Variants in ARCN1 observed in about 807,000 individuals in gnomAD.
ARCN1 encodes the protein coatomer subunit delta.
A neutral mutation model predicts 60.4 loss-of-function variants in ARCN1; 5 were observed. The ratio of observed to expected loss-of-function variants is 0.08; its 90% CI spans 0.04 to 0.17. The LOEUF is 0.17. Among genes scored for constraint, ARCN1 ranks in the 10% least tolerant of loss-of-function variants. The pLI is 1.00. For missense variants in ARCN1, 464 were observed against 626.5 expected (o/e 0.74, Z 2.77); for synonymous variants, 224 against 220.0 (o/e 1.02, Z -0.16).
chr11:118,601,488 T>G lies in ARCN1; in HGVS notation c.*774T>G. ...ATACCCTTTACCTTTAGGTTTTTCT[T>G]TCTATACATTCAGTCAGGCACTGGG... On this transcript the variant is annotated 3_prime_UTR_variant, in exon 10 of 10. Coordinates refer to ENST00000264028, the MANE Select transcript of ARCN1 (RefSeq NM_001655.5). The G allele has an allele frequency of 1.6e-6, 1 of 616,086 alleles. No homozygotes were observed. Among genetic ancestry groups the G allele is most frequent in the Admixed American group, 2.8e-5 (1 of 35,874 alleles). The allele number at this position is 616,086 out of a possible 1,614,324, so 38.2% of individuals were successfully genotyped here.
intron 2 of ARCN1, 103 bp from the exon 3 acceptor site, chr11:118,583,076 G>T: frequency 7.7e-7 from 1 of 1,301,510 alleles, no homozygotes; most frequent in Non-Finnish European, 1.1e-6. Context: ...AGCTAATAAA[G>T]GGATTTAGGT....
intron 1 of ARCN1, chr11:118,573,761 T>C (rs1555072921): frequency 1.5e-6 from 1 of 646,810 alleles, no homozygotes; most frequent in Non-Finnish European, 2.8e-6. Context: ...TTTAGGCCAC[T>C]GAACAGCTTT....
At chr11:118,592,347 C>A (rs145170693) in intron 6 of ARCN1, among the ~76,000 whole-genome samples, 1 of 152,298 alleles carries the variant, frequency 6.6e-6, no homozygotes, top group East Asian at 1.9e-4. Flanking sequence ...GGCAGCTGAT[C>A]AGGGTCTTAC....
chr11:118,597,578 T>C, intron 8 of ARCN1, 129 bp from the exon 9 acceptor site: 2 of 721,438 alleles, frequency 2.8e-6, no homozygotes, highest in Non-Finnish European at 4.2e-6. Flanking sequence ...GTTATTAGCC[T>C]TTTTTTCCCC....
At chr11:118,585,522 A>G (rs2135544736) in intron 5 of ARCN1, among the ~76,000 whole-genome samples, 1 of 152,154 alleles carries the variant, frequency 6.6e-6, no homozygotes, top group South Asian at 2.1e-4. Context: ...GCAAATTAAT[A>G]TATTTTGCAT....
chr11:118,583,150 C>T (rs782286891), intron 2 of ARCN1, 29 bp from the exon 3 acceptor site: 2 of 1,609,116 alleles, frequency 1.2e-6, no homozygotes, highest in Admixed American at 3.4e-5. Context: ...AATTCTAAAT[C>T]TTTCTTTTTT....
chr11:118,584,003 T>TGCACCA lies in ARCN1; in HGVS notation c.645_650dup (p.Pro216_Ala217dup). 3 of 1,614,144 alleles carry TGCACCA rather than the reference T, an allele frequency of 1.9e-6. No homozygotes were observed. Among genetic ancestry groups the TGCACCA allele is most frequent in the Non-Finnish European group, 2.5e-6 (3 of 1,180,006 alleles). The stretch of plus-strand genomic sequence containing the variant: ...AAACTGATAAACCAAAAGTGGCACC[T>TGCACCA]GCACCAGCCAGGTATAATCCAGTGT... On this transcript the variant is annotated inframe_insertion, in exon 4 of 10. Transcript: ENST00000264028.
intron 3 of ARCN1, among the ~76,000 whole-genome samples, 164 bp from the exon 4 acceptor site, chr11:118,583,644 GC>G (rs1938710202): frequency 6.6e-6 from 1 of 152,080 alleles, no homozygotes; most frequent in African/African-American, 2.4e-5. Context: ...GTGGGTCCCA[GC>G]TACTTGGGAG....
intron 8 of ARCN1, 26 bp from the exon 9 acceptor site, chr11:118,597,681 C>G: frequency 6.2e-7 from 1 of 1,611,898 alleles, no homozygotes; most frequent in South Asian, 1.1e-5. Flanking sequence ...GAACAGCTAC[C>G]TTGACCAGAA....
intron 8 of ARCN1, chr11:118,593,952 G>T: frequency 3.3e-6 from 1 of 305,794 alleles, no homozygotes; most frequent in Non-Finnish European, 6.3e-6. Flanking sequence ...GGGGCACAAG[G>T]GAACTTTTGG....
At chr11:118,584,259 TGTG>T (rs1242533358) in intron 4 of ARCN1, among the ~76,000 whole-genome samples, 10 of 152,198 alleles carry the variant, frequency 6.6e-5, no homozygotes, top group South Asian at 2.1e-4. Flanking sequence ...GTTGCCTTAT[TGTG>T]GGGAGGAAAG....
chr11:118,594,830 G>A lies in ARCN1; in HGVS notation c.1241+1132G>A, dbSNP rs187587810. ...CTCCCAAAGTGCTGGGATTATGGGC[G>A]TGAGCCACCGCACCTGGCTATTTTT... On this transcript the variant is annotated intron_variant, in intron 8 of 9. Coordinates refer to ENST00000264028, the MANE Select transcript of ARCN1 (RefSeq NM_001655.5). Among the ~76,000 whole-genome samples the A allele has an allele frequency of 1.8e-3, 277 of 152,070 alleles. 2 individuals carry two copies. The highest frequency in any genetic ancestry group is 6.3e-3 in the African/African-American group (263 of 41,490).
At chr11:118,579,661 C>A (rs549379264) in intron 1 of ARCN1, among the ~76,000 whole-genome samples, 2 of 151,150 alleles carry the variant, frequency 1.3e-5, no homozygotes, top group East Asian at 3.9e-4. Context: ...GCACTCCAGC[C>A]TGGGCAACAA....
At chr11:118,573,589 G>A in intron 1 of ARCN1, 1 of 683,548 alleles carries the variant, frequency 1.5e-6, no homozygotes, top group East Asian at 2.7e-5. Context: ...AGGATGTTCT[G>A]TTCTGTTCTT....
intron 9 of ARCN1, among the ~76,000 whole-genome samples, chr11:118,598,543 G>A (rs1939080365): frequency 6.9e-6 from 1 of 144,106 alleles, no homozygotes; most frequent in African/African-American, 2.6e-5. Flanking sequence ...CACCCAGGCT[G>A]GAGTGCAATG....
In ARCN1 at chr11:118,589,701, G is replaced by A. The variant is rs575367194; in HGVS notation, c.819-640G>A. ...CTCCCAAAGTGCTGGGATTACAGGC[G>A]TGAGCCACCACGCCCGTGAATATGC... On this transcript the variant is annotated intron_variant, in intron 5 of 9. Transcript: ENST00000264028. Among the ~76,000 whole-genome samples, 3 of 152,056 alleles carry A rather than the reference G, an allele frequency of 2.0e-5. No individual in the cohort carries two copies. In the East Asian group the frequency reaches 5.9e-4, roughly 30 times the overall value.
chr11:118,581,025 A>T (rs1938637634), intron 1 of ARCN1, among the ~76,000 whole-genome samples: 2 of 152,124 alleles, frequency 1.3e-5, no homozygotes, highest in Admixed American at 6.6e-5. Flanking sequence ...AGTCCCAGCC[A>T]CTCAGGATTT....
intron 4 of ARCN1, 28 bp from the exon 5 acceptor site, chr11:118,584,452 G>A: frequency 6.3e-7 from 1 of 1,589,176 alleles, no homozygotes; most frequent in Non-Finnish European, 8.5e-7. Flanking sequence ...AAACCTTTGG[G>A]TAATGAATTT....
intron 7 of ARCN1, 31 bp from the exon 8 acceptor site, chr11:118,593,559 T>C: frequency 1.3e-6 from 2 of 1,496,698 alleles, no homozygotes; most frequent in Non-Finnish European, 9.3e-7. Flanking sequence ...TTTTCTAATA[T>C]TCTAGTATGA....
Sources: allele counts gnomAD v4.1 joint callset (sites outside exome capture counted in the v4.1 genomes callset), GRCh38; gene constraint gnomAD v4.1.1; transcripts MANE v1.5; gene names NCBI Gene and HGNC (gene_info 2026-07-23, HGNC 2026-07-21).